Variants in GLI2 observed in about 807,000 individuals in gnomAD.
The protein encoded by GLI2 is GLI family zinc finger 2, also known as transcription activator GLI2.
In GLI2, 22 loss-of-function variants were observed where a neutral mutation model predicts 78.9. The ratio of observed to expected loss-of-function variants is 0.28; its 90% CI spans 0.20 to 0.40. The LOEUF is 0.40. Ranked by LOEUF, GLI2 falls within the 10% of genes least tolerant of loss-of-function variation. The pLI is 1.00. For synonymous variants in GLI2, 974 were observed against 963.7 expected, an observed-to-expected ratio of 1.01 and a Z score of -0.20; for missense variants, 2,097 against 2,213.2, an observed-to-expected ratio of 0.95 and a Z score of 1.05.
intron 6 of GLI2, among the ~76,000 whole-genome samples, chr2:120,969,531 C>A (rs1682031570): frequency 6.6e-6 from 1 of 152,254 alleles, no homozygotes; most frequent in Non-Finnish European, 1.5e-5. Flanking sequence ...TATTTGTTAT[C>A]TTTTGCTGCC....
Position 120,876,258 on chromosome 2 carries a change from C to T in GLI2, c.149-51103C>T, listed in dbSNP as rs376450771. On this transcript the variant is annotated intron_variant, in intron 2 of 13. Transcript: ENST00000361492. ...TCGGGAGGCTGAGGCGGGAGAGTGG[C>T]GTGAACCCAGGCCACGGAGCTTGCA... Among the ~76,000 whole-genome samples the T allele has an allele frequency of 9.2e-5, 14 of 152,268 alleles. No homozygotes were observed. The East Asian group carries it at 2.7e-3, about 29-fold the overall frequency.
At chr2:120,778,592 G>A (rs1472138699) in intron 1 of GLI2, among the ~76,000 whole-genome samples, 3 of 152,212 alleles carry the variant, frequency 2.0e-5, no homozygotes, top group Non-Finnish European at 4.4e-5. Flanking sequence ...TCCACATGTG[G>A]CTGGTGGGGT....
intron 5 of GLI2, among the ~76,000 whole-genome samples, chr2:120,959,301 G>A (rs896082074): frequency 1.3e-5 from 2 of 152,186 alleles, no homozygotes; most frequent in Non-Finnish European, 2.9e-5. Context: ...AGCATCACCA[G>A]ATTCCAGAGT....
chr2:120,862,531 C>T (rs1443177166), intron 2 of GLI2, among the ~76,000 whole-genome samples: 1 of 152,190 alleles, frequency 6.6e-6, no homozygotes, highest in Non-Finnish European at 1.5e-5. Context: ...GTCTCTCTGT[C>T]TTCTGTGGGG....
intron 7 of GLI2, 45 bp downstream of exon 7, chr2:120,970,651 G>A (rs530662434): frequency 3.4e-6 from 5 of 1,464,378 alleles, no homozygotes; most frequent in South Asian, 2.3e-5. Flanking sequence ...TACTCATCTG[G>A]ACACATGAGG....
At chr2:120,901,066 A>G (rs1186287918) in intron 2 of GLI2, among the ~76,000 whole-genome samples, 1 of 152,172 alleles carries the variant, frequency 6.6e-6, no homozygotes, top group African/African-American at 2.4e-5. Context: ...GCATAGGTAA[A>G]CAGCTTTTAA....
intron 1 of GLI2, among the ~76,000 whole-genome samples, chr2:120,776,222 G>A (rs1329596939): frequency 6.6e-6 from 1 of 152,212 alleles, no homozygotes; most frequent in Admixed American, 6.5e-5. Context: ...TCGCAGCACC[G>A]GACATGTTGT....
chr2:120,872,169 A>C (rs935384946), intron 2 of GLI2, among the ~76,000 whole-genome samples: 6 of 152,200 alleles, frequency 3.9e-5, no homozygotes, highest in African/African-American at 1.4e-4. Context: ...ACTTGCTCCA[A>C]GCCCATAGCT....
At chr2:120,878,279 C>T (rs1688860070) in intron 2 of GLI2, among the ~76,000 whole-genome samples, 1 of 152,186 alleles carries the variant, frequency 6.6e-6, no homozygotes, top group Admixed American at 6.5e-5. Flanking sequence ...ACGATACCAC[C>T]GTCAAATGTA....
chr2:120,930,399 C>A (rs913447331), intron 3 of GLI2, among the ~76,000 whole-genome samples: 3 of 152,352 alleles, frequency 2.0e-5, no homozygotes, highest in Admixed American at 6.5e-5. Context: ...AGATGACTAA[C>A]CCTATGGCTC....
At chr2:120,826,001 A>T (rs932534576) in intron 2 of GLI2, among the ~76,000 whole-genome samples, 3 of 152,192 alleles carry the variant, frequency 2.0e-5, no homozygotes, top group African/African-American at 7.2e-5. Context: ...AGAACACCAC[A>T]GGCCCTTACT....
Position 120,976,349 on chromosome 2 carries a change from G to A in GLI2, c.1317+1240G>A, listed in dbSNP as rs548654309. On this transcript the variant is annotated intron_variant, in intron 9 of 13. Coordinates refer to ENST00000361492, the MANE Select transcript of GLI2 (RefSeq NM_001374353.1). The stretch of plus-strand genomic sequence containing the variant: ...CTCACAAATACCGTAGGTTTCTTTT[G>A]TGTTGGAGTTTGTCCTCCCAAACAC... Among the ~76,000 whole-genome samples the A allele has an allele frequency of 1.2e-3, 176 of 152,322 alleles. 2 individuals are homozygous for A. The South Asian group carries it at 0.031, about 27-fold the overall frequency.
chr2:120,844,132 A>G (rs921988422), intron 2 of GLI2, among the ~76,000 whole-genome samples: 1 of 152,162 alleles, frequency 6.6e-6, no homozygotes, highest in African/African-American at 2.4e-5. Context: ...CTAGTTCGAA[A>G]TTAGCAGTCA....
intron 2 of GLI2, among the ~76,000 whole-genome samples, chr2:120,823,453 G>GC (rs1260867102): frequency 7.9e-5 from 12 of 152,150 alleles, no homozygotes; most frequent in Admixed American, 6.5e-4. Context: ...GACATCACTC[G>GC]CCCAGTACAC....
chr2:120,740,618 C>T (rs752549255), intron 1 of GLI2, among the ~76,000 whole-genome samples: 1 of 152,178 alleles, frequency 6.6e-6, no homozygotes, highest in African/African-American at 2.4e-5. Context: ...GCCCCGAGCT[C>T]GTCATCTGCC....
intron 2 of GLI2, among the ~76,000 whole-genome samples, chr2:120,849,348 A>T (rs2123635): frequency 0.32 from 48,808 of 152,120 alleles, 10,475 homozygotes; most frequent in African/African-American, 0.62. Context: ...CCATCATTTT[A>T]AAAAAATTAA....
chr2:120,833,668 C>T (rs1476840619), intron 2 of GLI2, among the ~76,000 whole-genome samples: 6 of 152,104 alleles, frequency 3.9e-5, no homozygotes, highest in Non-Finnish European at 8.8e-5. Flanking sequence ...ACAGCCACCT[C>T]CCACCACCGA....
At position 120,737,334 on chromosome 2, in the gene GLI2, A is replaced by C. The variant is rs1245045882; in HGVS notation, c.-31+1049A>C. On this transcript the variant is annotated intron_variant, in intron 1 of 13. Transcript: ENST00000361492. This position sits in a 1 kb window ranked among gnomAD's most constrained non-coding sequence, Gnocchi z 4.3. ...TCATTTCCTAGGAAACCCGACTTTT[A>C]CCGCGCGGGGAGCTGGGGATGGAGC... 1.3e-5 allele frequency among the ~76,000 whole-genome samples: 2 copies of C among 151,030 alleles called. No individual in the cohort carries two copies. The highest frequency in any genetic ancestry group is 3.0e-5 in the Non-Finnish European group (2 of 67,778).
chr2:120,959,455 A>G (rs1681435654), intron 5 of GLI2, among the ~76,000 whole-genome samples: 1 of 152,262 alleles, frequency 6.6e-6, no homozygotes, highest in African/African-American at 2.4e-5. Context: ...AGAGTAGTCC[A>G]GGATTATCTC....
Sources: allele counts gnomAD v4.1 joint callset (sites outside exome capture counted in the v4.1 genomes callset), GRCh38; gene constraint gnomAD v4.1.1; non-coding constraint Gnocchi (gnomAD v3.1); transcripts MANE v1.5; gene names NCBI Gene and HGNC (gene_info 2026-07-23, HGNC 2026-07-21).